The following GALNT9 variants were observed in gnomAD, a reference collection of about 807,000 sequenced individuals.
The protein encoded by GALNT9 is polypeptide N-acetylgalactosaminyltransferase 9, also known as GalNAc transferase 9.
Under a neutral mutation model 63.1 loss-of-function variants are expected in GALNT9, and 47 were observed. The observed-to-expected ratio is 0.75, with a 90% CI of 0.59 to 0.95. The LOEUF is 0.95. Among genes scored for constraint, GALNT9 ranks in the 40% least tolerant of loss-of-function variants. The pLI is 0.00. For synonymous variants in GALNT9, 396 were observed against 365.7 expected, an observed-to-expected ratio of 1.08 and a Z score of -0.94; for missense variants, 829 against 874.8, an observed-to-expected ratio of 0.95 and a Z score of 0.66.
intron 2 of GALNT9, among the ~76,000 whole-genome samples, chr12:132,284,806 G>C (rs1167288545): frequency 1.3e-5 from 2 of 152,238 alleles, no homozygotes; most frequent in Admixed American, 1.3e-4. Context: ...AGGGTGTGAA[G>C]TGGGCCCCAC....
intron 2 of GALNT9, chr12:132,274,059 G>C (rs766222727): frequency 2.0e-5 from 3 of 152,808 alleles, no homozygotes; most frequent in African/African-American, 7.2e-5. Flanking sequence ...ATACTTCTCC[G>C]CTCTTCACAA....
At chr12:132,293,805 A>G (rs185144605) in intron 1 of GALNT9, among the ~76,000 whole-genome samples, 1 of 131,928 alleles carries the variant, frequency 7.6e-6, no homozygotes, top group African/African-American at 2.5e-5. Flanking sequence ...GGGGTCCCGT[A>G]TACAGTCAGG....
intron 1 of GALNT9, among the ~76,000 whole-genome samples, chr12:132,288,719 G>A (rs1880697890): frequency 6.6e-6 from 1 of 151,554 alleles, no homozygotes. Flanking sequence ...CGTCGTTCTG[G>A]ACGGCTGCCC....
At chr12:132,283,846 C>T (rs998977164) in intron 2 of GALNT9, 6 of 152,238 alleles carry the variant, frequency 3.9e-5, no homozygotes, top group African/African-American at 1.2e-4. Context: ...CCCATGTCCT[C>T]TGCTGTGAGA....
At chr12:132,288,265 G>A (rs1392223603) in intron 1 of GALNT9, among the ~76,000 whole-genome samples, 1 of 152,162 alleles carries the variant, frequency 6.6e-6, no homozygotes, top group Non-Finnish European at 1.5e-5. Context: ...TGAGCCTCCC[G>A]GAACCTCTGG....
chr12:132,328,238 C>T (rs1555246662), intron 1 of GALNT9, among the ~76,000 whole-genome samples: 15 of 152,172 alleles, frequency 9.9e-5, no homozygotes, highest in Non-Finnish European at 1.8e-4. Flanking sequence ...TGACCTACGT[C>T]CGCTCGTGAT....
rs1440974226 is a variant in GALNT9 at position 132,310,632 on chromosome 12, C to T, written c.238+18334G>A. ...TTGGAAGGAAGTGGGCTTTCAAGCT[C>T]CCAGCTTCTCTTTGAGTCACTGATT... On this transcript the variant is annotated intron_variant, in intron 1 of 10. Transcript: ENST00000328957. The surrounding 1 kb of genome is among the most constrained non-coding windows in gnomAD (Gnocchi z 4.8). 6.6e-6 allele frequency among the ~76,000 whole-genome samples: 1 copy of T among 152,222 alleles called. No homozygotes were observed. The highest frequency in any genetic ancestry group is 1.5e-5 in the Non-Finnish European group (1 of 68,036).
intron 1 of GALNT9, among the ~76,000 whole-genome samples, chr12:132,328,643 T>C (rs997023134): frequency 1.3e-5 from 2 of 152,138 alleles, no homozygotes; most frequent in African/African-American, 4.8e-5. Context: ...CCCACACTCC[T>C]GGACCTAGGC....
At chr12:132,239,599 GAGAC>G (rs1182920741) in intron 6 of GALNT9, among the ~76,000 whole-genome samples, 1 of 151,680 alleles carries the variant, frequency 6.6e-6, no homozygotes, top group Admixed American at 6.6e-5. Flanking sequence ...GAGACAGAGA[GAGAC>G]ACACACACTG....
chr12:132,204,932 C>T (rs1164992189), intron 6 of GALNT9, among the ~76,000 whole-genome samples: 2 of 152,244 alleles, frequency 1.3e-5, no homozygotes, highest in East Asian at 1.9e-4. Flanking sequence ...CTTGCCTCAT[C>T]TCCTGAATCC....
chr12:132,197,745 G>C, intron 10 of GALNT9, 47 bp downstream of exon 10: 1 of 1,371,448 alleles, frequency 7.3e-7, no homozygotes, highest in Non-Finnish European at 1.0e-6. Flanking sequence ...GGTCCCAGCA[G>C]CCCTGCCCCG....
chr12:132,225,008 C>T (rs1389889907), intron 6 of GALNT9, among the ~76,000 whole-genome samples: 6 of 139,942 alleles, frequency 4.3e-5, no homozygotes, highest in African/African-American at 1.6e-4. Flanking sequence ...ATACACTATA[C>T]GTACACCCCC....
intron 1 of GALNT9, among the ~76,000 whole-genome samples, chr12:132,303,443 G>GGGCACACCCTCGCCCGGACACACCCTCA (rs1881399612): frequency 4.3e-5 from 3 of 70,514 alleles, no homozygotes; most frequent in Non-Finnish European, 8.4e-5. Context: ...GCACACCCTC[G>GGGCACACCCTCGCCCGGACACACCCTCA]CCCGGGCACA....
Position 132,264,740 on chromosome 12 carries a change from G to A in GALNT9, c.420-2115C>T, listed in dbSNP as rs188585994. On this transcript the variant is annotated intron_variant, in intron 2 of 10. Transcript: ENST00000328957. The stretch of plus-strand genomic sequence containing the variant: ...CCAATCGCTGTGGCCAGAGGAAATA[G>A]GGCACTCAGATTGGCTTATGCTCCA... 1.2e-3 allele frequency among the ~76,000 whole-genome samples: 183 copies of A among 152,326 alleles called. 1 individual carries two copies. Among genetic ancestry groups the A allele is most frequent in the African/African-American group, 4.3e-3 (178 of 41,578 alleles).
chr12:132,205,067 C>G (rs1378102848), intron 6 of GALNT9, among the ~76,000 whole-genome samples: 1 of 152,168 alleles, frequency 6.6e-6, no homozygotes, highest in Non-Finnish European at 1.5e-5. Context: ...CTCTGCCCAG[C>G]TGAGCTCGGA....
chr12:132,230,041 G>T (rs1877834465), intron 6 of GALNT9, among the ~76,000 whole-genome samples: 1 of 152,160 alleles, frequency 6.6e-6, no homozygotes, highest in African/African-American at 2.4e-5. Flanking sequence ...ACCTGGGCAG[G>T]CGTGTGGCTG....
intron 6 of GALNT9, chr12:132,240,460 C>T (rs1486785954): frequency 1.1e-5 from 4 of 371,108 alleles, no homozygotes; most frequent in African/African-American, 2.1e-5. Context: ...GCCCTCAGAA[C>T]GGAGCAAGAA....
Position 132,201,121 on chromosome 12 carries a change from T to C in GALNT9, c.1401+3A>G, listed in dbSNP as rs1263367615. 1 of 1,612,492 alleles carries C rather than the reference T, an allele frequency of 6.2e-7. No homozygotes were observed. The highest frequency in any genetic ancestry group is 1.1e-5 in the South Asian group (1 of 90,748). ...CGAACGGGGCCCTCGGGGGAGGTGCTACCTCTCCGTACGTGAGGGTGTTGT... is the reference window on the plus strand; with the variant it reads ...CGAACGGGGCCCTCGGGGGAGGTGCCACCTCTCCGTACGTGAGGGTGTTGT... On this transcript the variant is annotated splice_donor_region_variant and intron_variant, in intron 8 of 10. Transcript: ENST00000328957.
intron 10 of GALNT9, 22 bp downstream of exon 10, chr12:132,197,770 C>T (rs759635565): frequency 6.7e-6 from 10 of 1,496,170 alleles, no homozygotes; most frequent in Non-Finnish European, 9.1e-6. Flanking sequence ...AACCCCACGG[C>T]CCCCCTTCCC....
Sources: gnomAD v4.1 joint callset for allele counts (sites outside exome capture counted in the v4.1 genomes callset) on GRCh38, gnomAD v4.1.1 for gene constraint, Gnocchi (gnomAD v3.1) non-coding constraint, MANE v1.5 for transcripts, NCBI Gene and HGNC (gene_info 2026-07-23, HGNC 2026-07-21) for gene names.